Variants in EIF3H observed in about 807,000 individuals in gnomAD.
The protein encoded by EIF3H is eIF-3-gamma.
EIF3H carries 26 observed loss-of-function variants against 44.2 expected under a neutral mutation model. That is an observed-to-expected ratio of 0.59 (90% CI 0.43 to 0.82). EIF3H has a LOEUF of 0.82. Among genes scored for constraint, EIF3H ranks in the 40% least tolerant of loss-of-function variants. The probability of loss-of-function intolerance (pLI) is 0.00; values close to 1 mark genes in which losing one functional copy is unlikely to be tolerated. For missense variants in EIF3H, 359 were observed against 432.8 expected, an observed-to-expected ratio of 0.83 and a Z score of 1.51; for synonymous variants, 166 against 151.9, an observed-to-expected ratio of 1.09 and a Z score of -0.68.
intron 1 of EIF3H, chr8:116,734,330 G>C (rs796404916): frequency 2.9e-5 from 13 of 456,028 alleles, no homozygotes; most frequent in South Asian, 1.1e-4. Flanking sequence ...GAGAACTGAA[G>C]AACAAGCCAT....
At chr8:116,691,808 G>A (rs546907278) in intron 2 of EIF3H, among the ~76,000 whole-genome samples, 1 of 148,764 alleles carries the variant, frequency 6.7e-6, no homozygotes, top group South Asian at 2.1e-4. Context: ...GGAGGCGGAG[G>A]ATGCAGCAAG....
upstream of EIF3H, among the ~76,000 whole-genome samples, chr8:116,759,997 C>G (rs1307225554): frequency 6.6e-6 from 1 of 152,210 alleles, no homozygotes; most frequent in Non-Finnish European, 1.5e-5. Context: ...TCCCAAAGGG[C>G]TAGGATTATG....
At chr8:116,756,224 A>G (rs555856233), upstream of EIF3H, among the ~76,000 whole-genome samples, 1 of 152,364 alleles carries the variant, frequency 6.6e-6, no homozygotes, top group Non-Finnish European at 1.5e-5. Context: ...TCTGTTAATT[A>G]GCGATGAGCC....
At chr8:116,736,000 T>C (rs1815032341) in intron 1 of EIF3H, among the ~76,000 whole-genome samples, 1 of 152,214 alleles carries the variant, frequency 6.6e-6, no homozygotes, top group Non-Finnish European at 1.5e-5. Context: ...TTCTGGATTT[T>C]GCAATTAGGG....
intron 1 of EIF3H, among the ~76,000 whole-genome samples, chr8:116,743,794 ATAT>A (rs1210600398): frequency 2.3e-3 from 212 of 91,754 alleles, no homozygotes; most frequent in East Asian, 0.01. Flanking sequence ...ATATATATAT[ATAT>A]AAACACACAC....
chr8:116,691,120 A>G (rs1486010245), intron 2 of EIF3H, among the ~76,000 whole-genome samples: 2 of 152,222 alleles, frequency 1.3e-5, no homozygotes, highest in Non-Finnish European at 2.9e-5. Flanking sequence ...TTTGATGGCA[A>G]CTCCCAATGA....
intron 1 of EIF3H, among the ~76,000 whole-genome samples, chr8:116,748,158 CA>C (rs537744856): frequency 1.9e-3 from 253 of 134,482 alleles, no homozygotes; most frequent in African/African-American, 5.0e-3. Context: ...GTCTCAAAAA[CA>C]AAAAAAAAAA....
intron 2 of EIF3H, among the ~76,000 whole-genome samples, chr8:116,673,305 T>C (rs1340036775): frequency 6.6e-6 from 1 of 152,218 alleles, no homozygotes; most frequent in African/African-American, 2.4e-5. Context: ...AGAAACACAC[T>C]ATATCTAAAA....
At chr8:116,707,679 C>T (rs774876035) in intron 2 of EIF3H, among the ~76,000 whole-genome samples, 3 of 152,096 alleles carry the variant, frequency 2.0e-5, no homozygotes, top group Non-Finnish European at 2.9e-5. Context: ...TGCTACTGTT[C>T]ACATATCAGT....
intron 2 of EIF3H, among the ~76,000 whole-genome samples, chr8:116,674,272 C>A (rs1409613095): frequency 7.7e-6 from 1 of 130,012 alleles, no homozygotes; most frequent in Non-Finnish European, 1.5e-5. Flanking sequence ...ACAGATGCAT[C>A]CCAATTTCAT....
rs1813843056 is a variant in EIF3H, at chr8:116,676,183, G to T, written c.290-17203C>A. On this transcript the variant is annotated intron_variant, in intron 2 of 7. Coordinates refer to ENST00000521861, the MANE Select transcript of EIF3H (RefSeq NM_003756.3). The stretch of plus-strand genomic sequence containing the variant: ...GTTGGTTGTCAACTGCAGCAATTAG[G>T]ACTTCTCATAAAACTTGTCTCTTGT... Among the ~76,000 whole-genome samples the T allele has an allele frequency of 2.0e-5, 3 of 152,306 alleles. No individual in the cohort carries two copies. The East Asian group carries it at 5.8e-4, about 29-fold the overall frequency.
chr8:116,693,640 ATC>A lies in EIF3H; in HGVS notation c.289+32374_289+32375del, dbSNP rs1586459825. 2.0e-5 allele frequency among the ~76,000 whole-genome samples: 3 copies of A among 151,968 alleles called. No homozygotes were observed. In the East Asian group the frequency reaches 5.8e-4, roughly 29 times the overall value. ...AAAACTAGGTCTCCCTCCCACTGGTATCTCTCTCATACAGAGGTAACCACTCT... is the reference window on the plus strand; with the variant it reads ...AAAACTAGGTCTCCCTCCCACTGGTATCTCTCATACAGAGGTAACCACTCT... On this transcript the variant is annotated intron_variant, in intron 2 of 7. Transcript: ENST00000521861.
At chr8:116,725,881 A>G in intron 2 of EIF3H, 135 bp downstream of exon 2, 3 of 1,053,730 alleles carry the variant, frequency 2.8e-6, no homozygotes, top group Non-Finnish European at 3.9e-6. Context: ...TAATTTTCCC[A>G]AAGTATCAGA....
In EIF3H at chr8:116,644,763, G is replaced by A. The variant is rs888492156; in HGVS notation, c.*243C>T. On this transcript the variant is annotated 3_prime_UTR_variant, in exon 8 of 8. Coordinates refer to ENST00000521861, the MANE Select transcript of EIF3H (RefSeq NM_003756.3). ...CGGTCAGGGCTTGTTTTAGCTTTTA[G>A]AAATAAACAAGTATAAGCAAACAAA... 1 of 435,540 alleles carries A rather than the reference G, an allele frequency of 2.3e-6. No individual in the cohort carries two copies. Among genetic ancestry groups the A allele is most frequent in the Non-Finnish European group, 4.1e-6 (1 of 242,568 alleles). 27.0% of individuals were successfully genotyped at this position (435,540 alleles called of 1,614,324 possible).
chr8:116,645,987 C>T (rs1813290129), intron 7 of EIF3H, among the ~76,000 whole-genome samples: 1 of 152,182 alleles, frequency 6.6e-6, no homozygotes, highest in African/African-American at 2.4e-5. Context: ...CAGGACCTCT[C>T]CTGCTTAAAG....
At chr8:116,663,387 A>G (rs117153421) in intron 2 of EIF3H, among the ~76,000 whole-genome samples, 1 of 152,200 alleles carries the variant, frequency 6.6e-6, no homozygotes, top group East Asian at 1.9e-4. Context: ...TTTTGTTCTC[A>G]TATTTAAGGG....
intron 1 of EIF3H, among the ~76,000 whole-genome samples, chr8:116,736,721 C>A (rs917418508): frequency 1.3e-5 from 2 of 152,138 alleles, no homozygotes; most frequent in East Asian, 3.8e-4. Flanking sequence ...AAACTGTACA[C>A]ACTTTAAAAG....
At chr8:116,680,847 T>TAA (rs11369606) in intron 2 of EIF3H, among the ~76,000 whole-genome samples, 21 of 81,270 alleles carry the variant, frequency 2.6e-4, no homozygotes, top group African/African-American at 4.4e-4. Context: ...AATAAATAAA[T>TAA]AAAAAAAAAG....
At chr8:116,719,551 G>C (rs966208946) in intron 2 of EIF3H, among the ~76,000 whole-genome samples, 2 of 152,142 alleles carry the variant, frequency 1.3e-5, no homozygotes, top group African/African-American at 4.8e-5. Context: ...AAATAAAAAA[G>C]AGGGAATGTT....
Sources: gnomAD v4.1 joint callset for allele counts (sites outside exome capture counted in the v4.1 genomes callset) on GRCh38, gnomAD v4.1.1 for gene constraint, MANE v1.5 for transcripts, NCBI Gene and HGNC (gene_info 2026-07-23, HGNC 2026-07-21) for gene names.